The following ERBB4 variants were observed in gnomAD, a reference collection of about 807,000 sequenced individuals.
ERBB4 encodes the protein receptor tyrosine-protein kinase erbB-4.
Under a neutral mutation model 158.0 loss-of-function variants are expected in ERBB4, and 42 were observed. The observed-to-expected ratio is 0.27, with a 90% CI of 0.21 to 0.34. The LOEUF (loss-of-function observed/expected upper bound fraction) is 0.34, where lower values mean the gene tolerates loss of function less well. ERBB4 is among the 10% of genes least tolerant of loss of function. The pLI is 1.00. For synonymous variants in ERBB4, 583 were observed against 558.7 expected (o/e 1.04, Z -0.61); for missense variants, 1,333 against 1,624.1 (o/e 0.82, Z 3.08).
intron 20 of ERBB4, among the ~76,000 whole-genome samples, chr2:211,447,343 T>G (rs1331838380): frequency 6.6e-6 from 1 of 151,842 alleles, no homozygotes; most frequent in Admixed American, 6.6e-5. Flanking sequence ...ACAGCAAGCA[T>G]CCCCAGCCTG....
intron 4 of ERBB4, among the ~76,000 whole-genome samples, chr2:211,781,151 T>C (rs765042880): frequency 6.6e-6 from 1 of 152,188 alleles, no homozygotes; most frequent in Non-Finnish European, 1.5e-5. Flanking sequence ...AAGTTGGTAA[T>C]GTAATAGATG....
chr2:211,773,625 TA>T lies in ERBB4; in HGVS notation c.556+14399del, dbSNP rs1417708107. ...ATATATATATATATATATATATATA[TA>T]TATATATATATATATATATATAATA... On this transcript the variant is annotated intron_variant, in intron 4 of 27. Coordinates refer to ENST00000342788, the MANE Select transcript of ERBB4 (RefSeq NM_005235.3). 7.6e-4 allele frequency among the ~76,000 whole-genome samples: 47 copies of T among 62,202 alleles called. 4 individuals carry two copies. In the Middle Eastern group the frequency reaches 0.027, roughly 35 times the overall value. 40.8% of individuals were successfully genotyped at this position (62,202 alleles called of 152,430 possible).
intron 1 of ERBB4, among the ~76,000 whole-genome samples, chr2:212,388,187 G>T (rs2090741150): frequency 6.6e-6 from 1 of 152,064 alleles, no homozygotes; most frequent in African/African-American, 2.4e-5. Context: ...AAAAGATACA[G>T]AGAATTTATT....
intron 3 of ERBB4, among the ~76,000 whole-genome samples, chr2:211,913,718 G>A (rs2079606460): frequency 6.7e-6 from 1 of 148,286 alleles, no homozygotes; most frequent in African/African-American, 2.5e-5. Context: ...AATAAAATTT[G>A]GTATAGTGTC....
At chr2:212,261,278 T>C (rs990811691) in intron 1 of ERBB4, among the ~76,000 whole-genome samples, 3 of 151,990 alleles carry the variant, frequency 2.0e-5, no homozygotes, top group Non-Finnish European at 2.9e-5. Context: ...TGGAAAAAAA[T>C]AGGAAATCAC....
At chr2:212,313,025 T>C (rs1269107137) in intron 1 of ERBB4, among the ~76,000 whole-genome samples, 1 of 150,856 alleles carries the variant, frequency 6.6e-6, no homozygotes, top group Non-Finnish European at 1.5e-5. Flanking sequence ...ACTGGAAATA[T>C]TTTGGCAAGT....
At position 212,457,231 on chromosome 2, in the gene ERBB4, AT is replaced by A. The variant is rs1432608818; in HGVS notation, c.82+81217del. Among the ~76,000 whole-genome samples the A allele has an allele frequency of 3.9e-5, 6 of 152,052 alleles. 1 individual carries two copies. The highest frequency in any genetic ancestry group is 7.4e-5 in the Non-Finnish European group (5 of 67,914). On this transcript the variant is annotated intron_variant, in intron 1 of 27. Coordinates refer to ENST00000342788, the MANE Select transcript of ERBB4 (RefSeq NM_005235.3). The stretch of plus-strand genomic sequence containing the variant: ...ATATGTTTTTGCTCTAAATATATAT[AT>A]TTTTAAGCCCAAAGCCAGAAATAAT...
At chr2:211,903,622 A>G (rs1473783365) in intron 3 of ERBB4, among the ~76,000 whole-genome samples, 2 of 152,070 alleles carry the variant, frequency 1.3e-5, no homozygotes, top group Admixed American at 1.3e-4. Context: ...TAATCAATAA[A>G]TATGTTAGTG....
chr2:212,373,988 A>ATG lies in ERBB4; in HGVS notation c.82+164460_82+164461insCA, dbSNP rs2090216935. ...CATATATATCCATATATATATATCCATATATATCCATATATATATATCCAT... is the reference window on the plus strand; with the variant it reads ...CATATATATCCATATATATATATCCATGTATATATCCATATATATATATCCAT... On this transcript the variant is annotated intron_variant, in intron 1 of 27. Transcript: ENST00000342788. Among the ~76,000 whole-genome samples the ATG allele has an allele frequency of 1.7e-4, 21 of 125,948 alleles. 5 individuals are homozygous for ATG. The South Asian group carries it at 5.8e-3, about 35-fold the overall frequency. 82.6% of individuals were successfully genotyped at this position (125,948 alleles called of 152,430 possible). A position where few individuals can be genotyped will look rare whatever the true frequency, so the allele number is the denominator to read the frequency against.
intron 17 of ERBB4, among the ~76,000 whole-genome samples, chr2:211,626,997 G>A (rs887073979): frequency 1.9e-4 from 29 of 150,262 alleles, no homozygotes; most frequent in Non-Finnish European, 3.7e-4. Flanking sequence ...AGGAAATGAC[G>A]GTTTGAAGGA....
chr2:212,286,548 A>G (rs2085968899), intron 1 of ERBB4, among the ~76,000 whole-genome samples: 1 of 149,772 alleles, frequency 6.7e-6, no homozygotes, highest in Non-Finnish European at 1.5e-5. Context: ...GAGAAAATGC[A>G]TATTAAAGTT....
intron 5 of ERBB4, 87 bp from the exon 6 acceptor site, chr2:211,725,281 C>G: frequency 1.0e-6 from 1 of 958,174 alleles, no homozygotes; most frequent in Non-Finnish European, 1.7e-6. Context: ...ATTTCTCACC[C>G]TGTCTTTGAC....
intron 2 of ERBB4, among the ~76,000 whole-genome samples, chr2:212,047,065 T>C (rs539939370): frequency 6.6e-6 from 1 of 152,312 alleles, no homozygotes; most frequent in African/African-American, 2.4e-5. Flanking sequence ...ATAGCCATTA[T>C]TCTCCCAAAA....
At chr2:211,779,964 A>G (rs2075993294) in intron 4 of ERBB4, among the ~76,000 whole-genome samples, 1 of 152,288 alleles carries the variant, frequency 6.6e-6, no homozygotes, top group African/African-American at 2.4e-5. Context: ...CTATTACAGA[A>G]GAAGTACTCA....
chr2:211,914,665 A>G lies in ERBB4; in HGVS notation c.421+32765T>C, dbSNP rs115658430. Among the ~76,000 whole-genome samples the G allele has an allele frequency of 3.2e-3, 480 of 152,270 alleles. 4 individuals carry two copies. The highest frequency in any genetic ancestry group is 0.011 in the African/African-American group (461 of 41,570). On this transcript the variant is annotated intron_variant, in intron 3 of 27. Coordinates refer to ENST00000342788, the MANE Select transcript of ERBB4 (RefSeq NM_005235.3). ...ATGTATAAGAGTTAAACATATTTTT[A>G]TAAGTGGAAAAATACACATAATCAA...
At chr2:211,476,417 T>C (rs930413004) in intron 20 of ERBB4, among the ~76,000 whole-genome samples, 1 of 151,938 alleles carries the variant, frequency 6.6e-6, no homozygotes, top group African/African-American at 2.4e-5. Flanking sequence ...AGAGTTGAAT[T>C]TGAGGAAGAG....
chr2:211,797,870 T>A (rs573982730), intron 3 of ERBB4, among the ~76,000 whole-genome samples: 1 of 152,038 alleles, frequency 6.6e-6, no homozygotes, highest in Non-Finnish European at 1.5e-5. Context: ...CAGGAAGGAA[T>A]AATTGAATAA....
chr2:212,119,287 T>C (rs2079670934), intron 2 of ERBB4, among the ~76,000 whole-genome samples: 1 of 152,140 alleles, frequency 6.6e-6, no homozygotes, highest in Non-Finnish European at 1.5e-5. Flanking sequence ...TATACTTCTT[T>C]ACACATAATT....
At chr2:212,089,332 T>C (rs1472780767) in intron 2 of ERBB4, among the ~76,000 whole-genome samples, 4 of 152,098 alleles carry the variant, frequency 2.6e-5, no homozygotes, top group Non-Finnish European at 5.9e-5. Flanking sequence ...TTTGGGATAG[T>C]GGTTAGTATT....
Sources: gnomAD v4.1 joint callset for allele counts (sites outside exome capture counted in the v4.1 genomes callset) on GRCh38, gnomAD v4.1.1 for gene constraint, MANE v1.5 for transcripts, NCBI Gene and HGNC (gene_info 2026-07-23, HGNC 2026-07-21) for gene names.